The following CCDC102B variants were observed in gnomAD, a reference collection of about 807,000 sequenced individuals.
CCDC102B encodes coiled-coil domain containing 102B, also known as coiled-coil domain-containing protein 102B.
A neutral mutation model predicts 57.4 loss-of-function variants in CCDC102B; 75 were observed. The observed-to-expected ratio is 1.31, with a 90% CI of 1.08 to 1.58. The LOEUF is 1.58. Among genes scored for constraint, CCDC102B ranks in the 40% most tolerant of loss-of-function variants. The pLI, the probability that CCDC102B is intolerant of heterozygous loss-of-function variation, is 0.00. For missense variants in CCDC102B, 636 were observed against 582.6 expected (o/e 1.09, Z -0.94); for synonymous variants, 206 against 201.9 (o/e 1.02, Z -0.17).
At chr18:69,046,773 T>C (rs1299930529) in intron 7 of CCDC102B, among the ~76,000 whole-genome samples, 1 of 152,180 alleles carries the variant, frequency 6.6e-6, no homozygotes, top group Non-Finnish European at 1.5e-5. Flanking sequence ...GATTTTTGTA[T>C]ATGGTATAAA....
chr18:68,858,756 A>C (rs1381966533), intron 4 of CCDC102B, among the ~76,000 whole-genome samples: 1 of 152,100 alleles, frequency 6.6e-6, no homozygotes, highest in Admixed American at 6.5e-5. Context: ...AGAGAAAGGG[A>C]GAAATAGGAT....
chr18:68,963,353 TTAG>T (rs1336663495), intron 6 of CCDC102B, among the ~76,000 whole-genome samples: 3 of 152,064 alleles, frequency 2.0e-5, no homozygotes, highest in African/African-American at 7.2e-5. Context: ...AAATTTAAAG[TTAG>T]TAAGAAAAAG....
At chr18:68,920,183 T>C (rs753359233) in intron 6 of CCDC102B, among the ~76,000 whole-genome samples, 95 of 152,232 alleles carry the variant, frequency 6.2e-4, no homozygotes, top group Non-Finnish European at 1.1e-3. Flanking sequence ...GTTCTCATCA[T>C]TTAGCTCTCA....
At chr18:68,893,037 G>A (rs993858865) in intron 5 of CCDC102B, among the ~76,000 whole-genome samples, 2 of 152,132 alleles carry the variant, frequency 1.3e-5, no homozygotes, top group East Asian at 3.9e-4. Context: ...TCTTTTGGGA[G>A]TTTTCTCCAT....
intron 2 of CCDC102B, among the ~76,000 whole-genome samples, chr18:68,725,117 T>C (rs1286837346): frequency 6.6e-6 from 1 of 152,188 alleles, no homozygotes; most frequent in East Asian, 1.9e-4. Flanking sequence ...GAGAACTCAC[T>C]ATCATGAGAA....
chr18:68,911,675 C>A (rs1396611030), intron 6 of CCDC102B, among the ~76,000 whole-genome samples: 2 of 133,582 alleles, frequency 1.5e-5, no homozygotes, highest in African/African-American at 6.0e-5. Flanking sequence ...TGGCGTGAAC[C>A]CGGGAGGCGG....
chr18:69,051,765 T>G (rs1326547412), intron 7 of CCDC102B, among the ~76,000 whole-genome samples: 2 of 152,020 alleles, frequency 1.3e-5, no homozygotes, highest in Non-Finnish European at 2.9e-5. Context: ...AGATTTGATA[T>G]GTCAGATCAA....
intron 6 of CCDC102B, among the ~76,000 whole-genome samples, chr18:68,988,922 A>G (rs2050794506): frequency 6.6e-6 from 1 of 152,204 alleles, no homozygotes; most frequent in African/African-American, 2.4e-5. Context: ...CTTTTATGCT[A>G]TGAGGACCTT....
intron 2 of CCDC102B, among the ~76,000 whole-genome samples, chr18:68,729,716 G>C (rs550570191): frequency 1.8e-4 from 27 of 152,192 alleles, no homozygotes; most frequent in Non-Finnish European, 3.2e-4. Context: ...AGAATATATA[G>C]AACATCTTTG....
chr18:68,787,729 A>G (rs1316715305), intron 2 of CCDC102B, among the ~76,000 whole-genome samples: 2 of 146,498 alleles, frequency 1.4e-5, no homozygotes, highest in Non-Finnish European at 3.0e-5. Context: ...TTTTTTCTTT[A>G]TTAGTCTTGC....
chr18:68,762,640 A>G (rs1484176274), intron 2 of CCDC102B, among the ~76,000 whole-genome samples: 2 of 152,152 alleles, frequency 1.3e-5, no homozygotes, highest in Admixed American at 6.6e-5. Context: ...TGTACTTAAT[A>G]AGGAAAGAAA....
chr18:68,776,096 C>T (rs2034806503), intron 2 of CCDC102B, among the ~76,000 whole-genome samples: 1 of 152,088 alleles, frequency 6.6e-6, no homozygotes, highest in South Asian at 2.1e-4. Context: ...TCCACATTGT[C>T]CTGTACATTT....
At chr18:68,812,965 G>C (rs747711929) in intron 1 of CCDC102B, among the ~76,000 whole-genome samples, 5 of 152,218 alleles carry the variant, frequency 3.3e-5, no homozygotes, top group Middle Eastern at 3.4e-3. Flanking sequence ...GGTCAGAAAA[G>C]AGGAGGTCGG....
chr18:68,904,054 C>G (rs2145044625), intron 6 of CCDC102B, among the ~76,000 whole-genome samples: 1 of 152,154 alleles, frequency 6.6e-6, no homozygotes, highest in South Asian at 2.1e-4. Flanking sequence ...TGTTTTTCTT[C>G]CAAATCTTAC....
intron 6 of CCDC102B, among the ~76,000 whole-genome samples, chr18:68,942,538 A>C (rs957653240): frequency 2.8e-4 from 42 of 152,074 alleles, no homozygotes; most frequent in Middle Eastern, 3.4e-3. Flanking sequence ...AAGTGAACAA[A>C]TGTCTCTGCA....
intron 2 of CCDC102B, among the ~76,000 whole-genome samples, chr18:68,733,437 C>T (rs767081317): frequency 4.2e-5 from 6 of 142,184 alleles, no homozygotes; most frequent in Admixed American, 1.5e-4. Flanking sequence ...TACTCAACAA[C>T]GGAGAGGAAA....
At chr18:68,921,266 A>C (rs2041270030) in intron 6 of CCDC102B, among the ~76,000 whole-genome samples, 2 of 152,104 alleles carry the variant, frequency 1.3e-5, no homozygotes, top group Admixed American at 1.3e-4. Context: ...CACGGAGGCA[A>C]GTCTTTCCTG....
chr18:69,054,683 A>C lies in CCDC102B; in HGVS notation c.*546A>C. 1 of 982,022 alleles carries C rather than the reference A, an allele frequency of 1.0e-6. No homozygotes were observed. The highest frequency in any genetic ancestry group is 1.2e-6 in the Non-Finnish European group (1 of 826,824). 60.8% of individuals were successfully genotyped at this position (982,022 alleles called of 1,614,324 possible). On this transcript the variant is annotated 3_prime_UTR_variant, in exon 8 of 8. Transcript: ENST00000360242. ...ATCTTTGTATAAAACAGAAGTGAGC[A>C]GATGAATCAGAAAAAAGTGTTTTGT...
chr18:68,807,918 A>T (rs2036090773), intron 1 of CCDC102B, among the ~76,000 whole-genome samples: 1 of 152,202 alleles, frequency 6.6e-6, no homozygotes, highest in Non-Finnish European at 1.5e-5. Context: ...TGAATAAATT[A>T]CTAATTTATT....
Sources: allele counts gnomAD v4.1 joint callset (sites outside exome capture counted in the v4.1 genomes callset), GRCh38; gene constraint gnomAD v4.1.1; transcripts MANE v1.5; gene names NCBI Gene and HGNC (gene_info 2026-07-23, HGNC 2026-07-21).